The following CEP128 variants were observed in gnomAD, a reference collection of about 807,000 sequenced individuals.
The protein encoded by CEP128 is centrosomal protein 128kDa.
Under a neutral mutation model 156.7 loss-of-function variants are expected in CEP128, and 132 were observed. The observed-to-expected ratio is 0.84, with a 90% CI of 0.73 to 0.97. The LOEUF is 0.97. CEP128 is among the 50% of genes least tolerant of loss of function. The pLI is 0.00. For missense variants in CEP128, 1,252 were observed against 1,281.9 expected (o/e 0.98, Z 0.36); for synonymous variants, 469 against 448.9 (o/e 1.04, Z -0.57).
At position 80,835,131 on chromosome 14, in the gene CEP128, C is replaced by G. The variant is rs1438035822; in HGVS notation, c.1057+1074G>C. 1.3e-5 allele frequency among the ~76,000 whole-genome samples: 2 copies of G among 152,052 alleles called. 1 individual carries two copies. Among genetic ancestry groups the G allele is most frequent in the East Asian group, 3.9e-4 (2 of 5,178 alleles). ...CAGGACATCCCTTGAATTTGGTCCCCCTTTACACATCCCCACTCCCCATTT... is the reference window on the plus strand; with the variant it reads ...CAGGACATCCCTTGAATTTGGTCCCGCTTTACACATCCCCACTCCCCATTT... On this transcript the variant is annotated intron_variant, in intron 12 of 24. Transcript: ENST00000555265.
chr14:80,914,915 T>C (rs1337019848), intron 3 of CEP128, among the ~76,000 whole-genome samples: 1 of 152,222 alleles, frequency 6.6e-6, no homozygotes, highest in Non-Finnish European at 1.5e-5. Flanking sequence ...AGATTTCACC[T>C]GGGAGATTAA....
In CEP128 at chr14:80,587,031, C is replaced by T. The variant is rs368927344; in HGVS notation, c.2807-6608G>A. ...CTTGGTATATAAGAAGCATTATATA[C>T]GTATTAGCTCTCAGTATTTTTTTTT... On this transcript the variant is annotated intron_variant, in intron 19 of 24. Coordinates refer to ENST00000555265, the MANE Select transcript of CEP128 (RefSeq NM_152446.5). Among the ~76,000 whole-genome samples, 185 of 150,108 alleles carry T rather than the reference C, an allele frequency of 1.2e-3. 4 individuals carry two copies. The Middle Eastern group carries it at 0.028, about 22-fold the overall frequency.
intron 8 of CEP128, among the ~76,000 whole-genome samples, chr14:80,888,927 CAA>C (rs1888942300): frequency 2.0e-5 from 3 of 152,152 alleles, no homozygotes; most frequent in South Asian, 2.1e-4. Context: ...GCAACTTCAG[CAA>C]AGTCTCAGGA....
At chr14:80,647,408 C>A (rs1331582685) in intron 19 of CEP128, among the ~76,000 whole-genome samples, 1 of 151,630 alleles carries the variant, frequency 6.6e-6, no homozygotes, top group East Asian at 1.9e-4. Context: ...AATTTTTTTT[C>A]TCAGAACCTT....
rs185406791 is a variant in CEP128, at chr14:80,687,884, A to C, written c.2806+55191T>G. Reference sequence around the variant, plus strand: ...ACATCTTACTCTTTAAAAACATAAAAACGTATTAGATTTTTTCCAGGTGCC... The same window carrying C: ...ACATCTTACTCTTTAAAAACATAAACACGTATTAGATTTTTTCCAGGTGCC... On this transcript the variant is annotated intron_variant, in intron 19 of 24. Transcript: ENST00000555265. Among the ~76,000 whole-genome samples the C allele has an allele frequency of 2.6e-3, 403 of 152,274 alleles. 2 individuals carry two copies. Among genetic ancestry groups the C allele is most frequent in the African/African-American group, 9.2e-3 (381 of 41,572 alleles).
intron 18 of CEP128, among the ~76,000 whole-genome samples, chr14:80,747,536 C>T (rs1006253015): frequency 6.6e-6 from 1 of 152,134 alleles, no homozygotes; most frequent in Non-Finnish European, 1.5e-5. Flanking sequence ...TGGCCAGGGG[C>T]AATGGCTCAC....
chr14:80,832,025 T>C (rs1217522680), intron 12 of CEP128, among the ~76,000 whole-genome samples: 3 of 152,194 alleles, frequency 2.0e-5, no homozygotes, highest in African/African-American at 7.2e-5. Flanking sequence ...GGGGCAGCTC[T>C]TTCCATGCTG....
At chr14:80,944,847 A>AAAAAAAAAAAC (rs1886295723), upstream of CEP128, among the ~76,000 whole-genome samples, 2 of 128,386 alleles carry the variant, frequency 1.6e-5, no homozygotes, top group Non-Finnish European at 3.3e-5. Context: ...AAAAAAAAAA[A>AAAAAAAAAAAC]AAAAAAAAAA....
At chr14:80,480,963 T>C (rs1312026726) in intron 14 of CEP128, among the ~76,000 whole-genome samples, 1 of 152,222 alleles carries the variant, frequency 6.6e-6, no homozygotes, top group Non-Finnish European at 1.5e-5. Flanking sequence ...GGCAAAGCCA[T>C]TCAACATGTC....
At chr14:80,805,854 A>T (rs10141192) in intron 13 of CEP128, among the ~76,000 whole-genome samples, 9,902 of 152,214 alleles carry the variant, frequency 0.065, 1,071 homozygotes, top group African/African-American at 0.23. Flanking sequence ...ATTCATTGAG[A>T]CCATACCATT....
At chr14:80,873,668 A>T (rs1367881975) in intron 8 of CEP128, among the ~76,000 whole-genome samples, 3 of 152,098 alleles carry the variant, frequency 2.0e-5, no homozygotes, top group Admixed American at 6.5e-5. Flanking sequence ...TCCTGTTTAG[A>T]AGTAATATAA....
At chr14:80,772,292 T>C (rs1369809027) in intron 16 of CEP128, among the ~76,000 whole-genome samples, 4 of 152,076 alleles carry the variant, frequency 2.6e-5, no homozygotes, top group African/African-American at 7.2e-5. Context: ...GGCAGAAGAA[T>C]GGCAGAATGG....
chr14:80,885,367 T>C (rs1355452804), intron 8 of CEP128, among the ~76,000 whole-genome samples: 1 of 152,118 alleles, frequency 6.6e-6, no homozygotes, highest in African/African-American at 2.4e-5. Flanking sequence ...AGACACCTCA[T>C]ACAGGAGAGC....
At chr14:80,661,798 A>G (rs1029770066) in intron 19 of CEP128, among the ~76,000 whole-genome samples, 29 of 152,170 alleles carry the variant, frequency 1.9e-4, no homozygotes, top group African/African-American at 6.8e-4. Context: ...AATTTTCATT[A>G]ATGTTGCCTC....
chr14:80,622,188 C>A (rs1449666074), intron 19 of CEP128, among the ~76,000 whole-genome samples: 1 of 152,134 alleles, frequency 6.6e-6, no homozygotes, highest in African/African-American at 2.4e-5. Flanking sequence ...GGTATATGTA[C>A]TGGAGTGTTT....
chr14:80,539,410 G>A (rs1481652535), intron 21 of CEP128, among the ~76,000 whole-genome samples: 2 of 152,182 alleles, frequency 1.3e-5, no homozygotes, highest in African/African-American at 2.4e-5. Flanking sequence ...GGCTGGAGCC[G>A]CGGCAGAGGA....
At chr14:80,547,890 T>C (rs1594982121) in intron 21 of CEP128, among the ~76,000 whole-genome samples, 1 of 151,208 alleles carries the variant, frequency 6.6e-6, no homozygotes, top group African/African-American at 2.4e-5. Flanking sequence ...CCTCCGCCTC[T>C]CGGGTTCAAG....
intron 14 of CEP128, among the ~76,000 whole-genome samples, chr14:80,789,887 G>A (rs1048383589): frequency 4.7e-5 from 7 of 149,528 alleles, no homozygotes; most frequent in African/African-American, 1.7e-4. Context: ...GTTTTGTTTT[G>A]TTTTGTTTTT....
chr14:80,900,862 T>C (rs1430667514), intron 6 of CEP128, among the ~76,000 whole-genome samples: 1 of 152,140 alleles, frequency 6.6e-6, no homozygotes, highest in African/African-American at 2.4e-5. Flanking sequence ...TGTCAGGATA[T>C]GTATGAAGTC....
Sources: allele counts gnomAD v4.1 joint callset (sites outside exome capture counted in the v4.1 genomes callset), GRCh38; gene constraint gnomAD v4.1.1; transcripts MANE v1.5; gene names NCBI Gene and HGNC (gene_info 2026-07-23, HGNC 2026-07-21).